Variants in CEP290 observed in about 807,000 individuals in gnomAD.
CEP290 encodes centrosomal protein 290, also known as centrosomal protein of 290 kDa.
A neutral mutation model predicts 344.9 loss-of-function variants in CEP290; 317 were observed. The ratio of observed to expected loss-of-function variants is 0.92; its 90% confidence interval spans 0.84 to 1.01. The LOEUF (loss-of-function observed/expected upper bound fraction) is 1.01, where lower values mean the gene tolerates loss of function less well. Ranked by LOEUF, CEP290 falls within the 50% of genes least tolerant of loss-of-function variation. The pLI, the probability that CEP290 is intolerant of heterozygous loss-of-function variation, is 0.00. For synonymous variants in CEP290, 932 were observed against 895.8 expected (o/e 1.04, Z -0.72); for missense variants, 2,754 against 2,761.4 (o/e 1.00, Z 0.06).
At chr12:88,116,830 C>T (rs1383139047) in intron 18 of CEP290, among the ~76,000 whole-genome samples, 4 of 151,808 alleles carry the variant, frequency 2.6e-5, no homozygotes, top group East Asian at 1.9e-4. Context: ...AAAAATTAGC[C>T]GGGCGTGGTG....
intron 41 of CEP290, 126 bp from the exon 42 acceptor site, chr12:88,072,052 T>C: frequency 1.1e-6 from 1 of 888,404 alleles, no homozygotes; most frequent in Non-Finnish European, 1.6e-6. Context: ...TGTAAATATG[T>C]TCATTTTGCT....
chr12:88,137,599 A>G (rs1220573176), intron 5 of CEP290, among the ~76,000 whole-genome samples: 2 of 152,170 alleles, frequency 1.3e-5, no homozygotes, highest in African/African-American at 4.8e-5. Context: ...AAAGCATTCC[A>G]TTGTGCTCTC....
chr12:88,115,961 C>G, intron 18 of CEP290: 1 of 984,770 alleles, frequency 1.0e-6, no homozygotes, highest in Non-Finnish European at 1.2e-6. Flanking sequence ...TATCAGCATA[C>G]TTTACTTGGG....
At chr12:88,115,540 T>C (rs2038987723) in intron 18 of CEP290, 1 of 1,292,472 alleles carries the variant, frequency 7.7e-7, no homozygotes. Context: ...TCTGCTTCTT[T>C]GATCAAGAAT....
At position 88,109,094 on chromosome 12, in the gene CEP290, GT is replaced by G. The variant is rs1329532260; in HGVS notation, c.2454del (p.Gln818HisfsTer10). On this transcript the variant is annotated frameshift_variant, in exon 23 of 54. Transcript: ENST00000552810. LOFTEE classifies it high-confidence loss of function. ...YNRKFAVIRH[Q>X]QSLLYKEYLS... The stretch of plus-strand genomic sequence containing the variant: ...AGGTATTCTTTATACAACAAACTTT[GT>G]TGATGACGAATTACAGCAAATTTTC... 7.0e-7 allele frequency: 1 copy of G among 1,428,184 alleles called. No homozygotes were observed. The highest frequency in any genetic ancestry group is 9.4e-7 in the Non-Finnish European group (1 of 1,061,916). 88.5% of individuals were successfully genotyped at this position (1,428,184 alleles called of 1,614,324 possible).
chr12:88,135,215 A>C (rs1460953915), intron 6 of CEP290, among the ~76,000 whole-genome samples: 1 of 152,160 alleles, frequency 6.6e-6, no homozygotes, highest in South Asian at 2.1e-4. Flanking sequence ...AAAGCAACCC[A>C]TACCCATATT....
chr12:88,100,048 G>A (rs1202321928), intron 26 of CEP290, among the ~76,000 whole-genome samples: 1 of 151,686 alleles, frequency 6.6e-6, no homozygotes, highest in Non-Finnish European at 1.5e-5. Flanking sequence ...GGGAAGTTGA[G>A]GCTGGCGGAT....
intron 34 of CEP290, 121 bp downstream of exon 34, chr12:88,085,918 A>G: frequency 2.2e-6 from 2 of 896,034 alleles, no homozygotes; most frequent in Non-Finnish European, 1.6e-6. Context: ...GAATAGAAAA[A>G]TAGTGAAATT....
intron 13 of CEP290, among the ~76,000 whole-genome samples, chr12:88,124,263 C>T (rs2039594509): frequency 6.6e-6 from 1 of 152,144 alleles, no homozygotes; most frequent in African/African-American, 2.4e-5. Context: ...CACTGCCTCA[C>T]TTGCTGACTC....
intron 46 of CEP290, 120 bp from the exon 47 acceptor site, chr12:88,061,114 T>A: frequency 1.5e-6 from 1 of 668,218 alleles, no homozygotes; most frequent in Non-Finnish European, 2.3e-6. Flanking sequence ...AAAACTGTAT[T>A]AATTCAATTC....
At chr12:88,119,581 T>G (rs2137889869) in intron 15 of CEP290, among the ~76,000 whole-genome samples, 1 of 152,156 alleles carries the variant, frequency 6.6e-6, no homozygotes, top group Non-Finnish European at 1.5e-5. Flanking sequence ...GGTGGATCAC[T>G]TAAGGTCAGG....
intron 5 of CEP290, among the ~76,000 whole-genome samples, chr12:88,137,278 T>A (rs1252177924): frequency 1.3e-5 from 2 of 152,256 alleles, no homozygotes; most frequent in East Asian, 1.9e-4. Flanking sequence ...CATGTAGCTA[T>A]GTTCGGGCAT....
chr12:88,091,402 C>CA (rs11318141), intron 29 of CEP290, among the ~76,000 whole-genome samples: 16 of 138,962 alleles, frequency 1.2e-4, no homozygotes, highest in African/African-American at 2.7e-4. Flanking sequence ...AATAAAATTA[C>CA]AAAAAAAAAA....
At chr12:88,096,126 G>A (rs2137409354) in intron 27 of CEP290, among the ~76,000 whole-genome samples, 2 of 151,712 alleles carry the variant, frequency 1.3e-5, no homozygotes, top group East Asian at 3.9e-4. Context: ...TTGGCTCACT[G>A]CAACCTCTGA....
chr12:88,120,698 C>T (rs905430707), intron 14 of CEP290, among the ~76,000 whole-genome samples: 5 of 152,034 alleles, frequency 3.3e-5, no homozygotes, highest in African/African-American at 1.2e-4. Flanking sequence ...TCAAATTGGC[C>T]AGTGGTGTCA....
At chr12:88,085,636 T>C (rs2036521403) in intron 34 of CEP290, among the ~76,000 whole-genome samples, 1 of 152,124 alleles carries the variant, frequency 6.6e-6, no homozygotes, top group South Asian at 2.1e-4. Context: ...CAGAAAGTAA[T>C]TTCTAATTTA....
intron 43 of CEP290, among the ~76,000 whole-genome samples, chr12:88,070,447 C>T (rs1421978867): frequency 6.6e-6 from 1 of 152,134 alleles, no homozygotes; most frequent in African/African-American, 2.4e-5. Flanking sequence ...AATCTTTTAA[C>T]ACTCAAGAGA....
chr12:88,120,234 A>G lies in CEP290; in HGVS notation c.1402T>C (p.Cys468Arg), dbSNP rs774740127. The G allele has an allele frequency of 1.3e-6, 2 of 1,498,964 alleles. No individual in the cohort carries two copies. Among genetic ancestry groups the G allele is most frequent in the Non-Finnish European group, 9.0e-7 (1 of 1,114,418 alleles). 92.9% of individuals were successfully genotyped at this position (1,498,964 alleles called of 1,614,324 possible). A position where few individuals can be genotyped will look rare whatever the true frequency, so the allele number is the denominator to read the frequency against. Residue 468 changes from cysteine to arginine, a missense_variant, in exon 15 of 54, where the codon TGT becomes CGT. Physicochemically the swap from Cys to Arg is radical, Grantham distance 180 (BLOSUM62 -3). Transcript: ENST00000552810. The stretch of plus-strand genomic sequence containing the variant: ...TCTCTTATTTTAATTTGGTTTTTAC[A>G]ATTCTTTATTTCAACGACAGCATCT... ...LEDAVVEIKN[C>R]KNQIKIRDRE...
chr12:88,128,977 A>G lies in CEP290; in HGVS notation c.911T>C (p.Val304Ala). 1.3e-6 allele frequency: 2 copies of G among 1,540,424 alleles called. No homozygotes were observed. The highest frequency in any genetic ancestry group is 8.7e-7 in the Non-Finnish European group (1 of 1,153,246). The part of the protein sequence containing the change: ...SKNEEDDPIM[V>A]AVNAKVEEWK... ...TTCTTCTACTTTTGCATTGACAGCTACCATAATTGGATCATCTTCTTCATT... is the reference window on the plus strand; with the variant it reads ...TTCTTCTACTTTTGCATTGACAGCTGCCATAATTGGATCATCTTCTTCATT... The change falls in exon 11 of 54, where the codon GTA (valine) becomes GCA (alanine). Residue 304 changes from valine (V) to alanine (A), a missense_variant. By Grantham distance (64) the Val-to-Ala change is moderately conservative. Transcript: ENST00000552810.
Sources: gnomAD v4.1 joint callset for allele counts (sites outside exome capture counted in the v4.1 genomes callset) on GRCh38, gnomAD v4.1.1 for gene constraint, MANE v1.5 for transcripts, NCBI Gene and HGNC (gene_info 2026-07-23, HGNC 2026-07-21) for gene names.